UBXN2B: variants seen among roughly 807,000 people sequenced by gnomAD.
UBXN2B encodes UBX domain-containing protein 2B.
In UBXN2B, 19 loss-of-function variants were observed where a neutral mutation model predicts 37.5. That is an observed-to-expected ratio of 0.51 (90% CI 0.35 to 0.74). The LOEUF (loss-of-function observed/expected upper bound fraction) is 0.74. Ranked by LOEUF, UBXN2B falls within the 30% of genes least tolerant of loss-of-function variation. UBXN2B has a pLI of 0.01. For synonymous variants in UBXN2B, 145 were observed against 143.8 expected (o/e 1.01, Z -0.06); for missense variants, 370 against 393.2 (o/e 0.94, Z 0.50).
intron 2 of UBXN2B, among the ~76,000 whole-genome samples, chr8:58,423,493 T>C (rs1366781275): frequency 6.6e-6 from 1 of 151,396 alleles, no homozygotes; most frequent in Non-Finnish European, 1.5e-5. Context: ...TGGAGTGTAG[T>C]GGCGAGGTCT....
chr8:58,447,666 T>G lies in UBXN2B; in HGVS notation c.*115T>G. Reference sequence around the variant, plus strand: ...ATTTTTATTATTTTTACAGATAAATTTTGGTTTTATTGTTATTCTGTCTTC... The same window carrying G: ...ATTTTTATTATTTTTACAGATAAATGTTGGTTTTATTGTTATTCTGTCTTC... On this transcript the variant is annotated 3_prime_UTR_variant, in exon 8 of 8. Transcript: ENST00000399598. 3.6e-6 allele frequency: 4 copies of G among 1,104,344 alleles called. No individual in the cohort carries two copies. Among genetic ancestry groups the G allele is most frequent in the Non-Finnish European group, 4.8e-6 (4 of 833,862 alleles). 68.4% of individuals were successfully genotyped at this position (1,104,344 alleles called of 1,614,324 possible).
chr8:58,424,315 A>G (rs572746578), intron 2 of UBXN2B, among the ~76,000 whole-genome samples: 2 of 152,110 alleles, frequency 1.3e-5, no homozygotes, highest in Non-Finnish European at 2.9e-5. Context: ...TCCTCAATTT[A>G]AAACAAAATT....
At position 58,449,156 on chromosome 8, in the gene UBXN2B, A is replaced by G. The variant is rs1338410669; in HGVS notation, c.*1605A>G. On this transcript the variant is annotated 3_prime_UTR_variant, in exon 8 of 8. Coordinates refer to ENST00000399598, the MANE Select transcript of UBXN2B (RefSeq NM_001077619.2). The stretch of plus-strand genomic sequence containing the variant: ...TTAAATGAGGCCCACCGGATATCCA[A>G]TCTAGGCTTATCTCCTTGTCTTGAA... The G allele has an allele frequency of 1.3e-5, 2 of 152,176 alleles. No individual in the cohort carries two copies. The highest frequency in any genetic ancestry group is 3.8e-4 in the East Asian group (2 of 5,198). 9.4% of individuals were successfully genotyped at this position (152,176 alleles called of 1,614,324 possible).
At chr8:58,421,658 C>T (rs1563457905) in intron 2 of UBXN2B, among the ~76,000 whole-genome samples, 1 of 152,120 alleles carries the variant, frequency 6.6e-6, no homozygotes, top group Non-Finnish European at 1.5e-5. Flanking sequence ...ATTTCCACAC[C>T]TTTTTTTAAA....
intron 6 of UBXN2B, among the ~76,000 whole-genome samples, chr8:58,441,292 C>A (rs1275601359): frequency 3.4e-5 from 5 of 146,932 alleles, no homozygotes; most frequent in Non-Finnish European, 5.9e-5. Context: ...CTATGCCTGG[C>A]CAGGCTTCTC....
chr8:58,412,173 A>G (rs62512906), intron 1 of UBXN2B, among the ~76,000 whole-genome samples: 30,720 of 152,202 alleles, frequency 0.2, 3,278 homozygotes, highest in Middle Eastern at 0.28. Flanking sequence ...ATTGATAAAA[A>G]TTTGACAAGT....
chr8:58,413,578 A>G (rs1807696010), intron 1 of UBXN2B, among the ~76,000 whole-genome samples: 1 of 152,102 alleles, frequency 6.6e-6, no homozygotes, highest in Non-Finnish European at 1.5e-5. Context: ...GGGGCAACAT[A>G]TTACCAATTG....
At chr8:58,442,117 C>T (rs12546328) in intron 6 of UBXN2B, among the ~76,000 whole-genome samples, 47,401 of 151,936 alleles carry the variant, frequency 0.31, 7,882 homozygotes, top group Admixed American at 0.48. Context: ...TTCCACTTTG[C>T]AGTGCTTACT....
intron 2 of UBXN2B, chr8:58,425,320 C>G: frequency 5.2e-6 from 6 of 1,161,238 alleles, no homozygotes; most frequent in Non-Finnish European, 7.8e-6. Flanking sequence ...GACAATCACT[C>G]AGGAGTTTTC....
intron 2 of UBXN2B, chr8:58,425,634 G>A: frequency 8.8e-7 from 1 of 1,131,744 alleles, no homozygotes; most frequent in East Asian, 2.4e-5. Flanking sequence ...CTTCCGAAAA[G>A]CCTTGTTTGA....
chr8:58,421,843 GTT>G (rs1425156930), intron 2 of UBXN2B, among the ~76,000 whole-genome samples: 2 of 152,260 alleles, frequency 1.3e-5, no homozygotes, highest in Non-Finnish European at 2.9e-5. Flanking sequence ...GAACATGATA[GTT>G]TGCTGACCTT....
chr8:58,426,174 G>C, intron 2 of UBXN2B: 1 of 689,628 alleles, frequency 1.5e-6, no homozygotes. Context: ...CCTCCACACA[G>C]ATCACAGTAA....
At chr8:58,419,058 C>T (rs1467360768) in intron 2 of UBXN2B, among the ~76,000 whole-genome samples, 1 of 152,136 alleles carries the variant, frequency 6.6e-6, no homozygotes, top group Non-Finnish European at 1.5e-5. Context: ...AGGTATAATT[C>T]AGTAATCCAG....
chr8:58,426,857 C>T (rs181593690), intron 2 of UBXN2B, among the ~76,000 whole-genome samples: 493 of 152,324 alleles, frequency 3.2e-3, no homozygotes, highest in African/African-American at 0.011. Flanking sequence ...GACTGTGCAG[C>T]CGCCCCCTAG....
chr8:58,439,484 T>C, intron 5 of UBXN2B, 149 bp from the exon 6 acceptor site: 2 of 863,820 alleles, frequency 2.3e-6, no homozygotes, highest in Non-Finnish European at 3.3e-6. Flanking sequence ...CTACAAGGAC[T>C]GATCAGTCAT....
At position 58,420,916 on chromosome 8, in the gene UBXN2B, A is replaced by G. The variant is rs528203673; in HGVS notation, c.188+3963A>G. Among the ~76,000 whole-genome samples the G allele has an allele frequency of 2.4e-4, 36 of 152,358 alleles. No individual in the cohort carries two copies. The South Asian group carries it at 6.0e-3, about 25-fold the overall frequency. ...GGCAAATACAGATCCTGACAAAGGCATCCTGACATCAGGGAGGCCATGTGC... is the reference window on the plus strand; with the variant it reads ...GGCAAATACAGATCCTGACAAAGGCGTCCTGACATCAGGGAGGCCATGTGC... On this transcript the variant is annotated intron_variant, in intron 2 of 7. Transcript: ENST00000399598.
intron 3 of UBXN2B, among the ~76,000 whole-genome samples, chr8:58,431,092 C>T (rs183499833): frequency 6.6e-6 from 1 of 152,314 alleles, no homozygotes. Context: ...TCCTTCATAG[C>T]CTACCATTTG....
intron 2 of UBXN2B, among the ~76,000 whole-genome samples, chr8:58,429,107 C>T (rs890493343): frequency 6.6e-6 from 1 of 152,034 alleles, no homozygotes; most frequent in Non-Finnish European, 1.5e-5. Flanking sequence ...TTGCTATGAC[C>T]GATTTTTGCG....
chr8:58,425,722 G>A, intron 2 of UBXN2B: 1 of 1,176,654 alleles, frequency 8.5e-7, no homozygotes, highest in Non-Finnish European at 1.3e-6. Flanking sequence ...TCGTGTTAAG[G>A]GGCTACGTGA....
Sources: gnomAD v4.1 joint callset for allele counts (sites outside exome capture counted in the v4.1 genomes callset) on GRCh38, gnomAD v4.1.1 for gene constraint, MANE v1.5 for transcripts, NCBI Gene and HGNC (gene_info 2026-07-23, HGNC 2026-07-21) for gene names.